B3GALT1: variants seen among roughly 807,000 people sequenced by gnomAD.
The protein encoded by B3GALT1 is beta-1,3-galactosyltransferase 1, also known as UDP-Gal:betaGlcNAc beta 1,3-galactosyltransferase, polypeptide 1.
Under a neutral mutation model 23.2 loss-of-function variants are expected in B3GALT1, and 10 were observed. That is an observed-to-expected ratio of 0.43 (90% CI 0.27 to 0.73). The LOEUF (loss-of-function observed/expected upper bound fraction) is 0.73, where lower values mean the gene tolerates loss of function less well. B3GALT1 is among the 30% of genes least tolerant of loss of function. B3GALT1 has a pLI of 0.21. For missense variants in B3GALT1, 299 were observed against 405.4 expected, an observed-to-expected ratio of 0.74 and a Z score of 2.25; for synonymous variants, 156 against 141.5, an observed-to-expected ratio of 1.10 and a Z score of -0.73.
At chr2:167,831,471 A>G (rs1199076769) in intron 4 of B3GALT1, among the ~76,000 whole-genome samples, 3 of 152,232 alleles carry the variant, frequency 2.0e-5, no homozygotes, top group Non-Finnish European at 4.4e-5. Flanking sequence ...GTTCTTTCAG[A>G]ATGGGCAGGT....
intron 2 of B3GALT1, among the ~76,000 whole-genome samples, chr2:167,537,723 A>C (rs1683453373): frequency 6.6e-6 from 1 of 151,622 alleles, no homozygotes; most frequent in Non-Finnish European, 1.5e-5. Context: ...CCTTTTCCTT[A>C]CTTCTGCTCC....
intron 3 of B3GALT1, among the ~76,000 whole-genome samples, chr2:167,774,756 A>G (rs1411366482): frequency 2.0e-5 from 3 of 151,830 alleles, no homozygotes; most frequent in Non-Finnish European, 2.9e-5. Context: ...TCAGCCTCCC[A>G]AAGTGCTGGG....
intron 1 of B3GALT1, among the ~76,000 whole-genome samples, chr2:167,420,885 TAGAA>T (rs1023873866): frequency 1.9e-4 from 29 of 152,194 alleles, no homozygotes; most frequent in African/African-American, 6.5e-4. Flanking sequence ...TGGTGGCAGA[TAGAA>T]AGGGACATTA....
At chr2:167,519,325 AT>A (rs1700152914) in intron 2 of B3GALT1, among the ~76,000 whole-genome samples, 1 of 152,246 alleles carries the variant, frequency 6.6e-6, no homozygotes, top group South Asian at 2.1e-4. Context: ...AAGACTCATT[AT>A]TTAATTGCTA....
At chr2:167,823,938 TTAGC>T (rs1689161598) in intron 4 of B3GALT1, among the ~76,000 whole-genome samples, 1 of 152,260 alleles carries the variant, frequency 6.6e-6, no homozygotes, top group South Asian at 2.1e-4. Flanking sequence ...GTGATAATTC[TTAGC>T]TATTATTATT....
chr2:167,775,363 G>T (rs1458134351), intron 3 of B3GALT1, among the ~76,000 whole-genome samples: 1 of 152,128 alleles, frequency 6.6e-6, no homozygotes, highest in Non-Finnish European at 1.5e-5. Context: ...GAGGTCAGGA[G>T]TTCGAGACCA....
chr2:167,305,604 A>C (rs747446203), intron 1 of B3GALT1, among the ~76,000 whole-genome samples: 2 of 152,086 alleles, frequency 1.3e-5, no homozygotes, highest in Non-Finnish European at 2.9e-5. Flanking sequence ...CTTCAGTTGC[A>C]CGGTTAATAA....
chr2:167,862,550 A>C (rs1247285318), intron 4 of B3GALT1, among the ~76,000 whole-genome samples: 1 of 152,202 alleles, frequency 6.6e-6, no homozygotes, highest in Non-Finnish European at 1.5e-5. Context: ...AGACACACCC[A>C]GAAGTAATGT....
At chr2:167,837,057 C>T (rs1237267599) in intron 4 of B3GALT1, among the ~76,000 whole-genome samples, 1 of 152,212 alleles carries the variant, frequency 6.6e-6, no homozygotes, top group Non-Finnish European at 1.5e-5. Context: ...CAACCGGTAA[C>T]AGCTGCTGCA....
chr2:167,817,676 A>T (rs781484325), intron 3 of B3GALT1, among the ~76,000 whole-genome samples: 83 of 152,264 alleles, frequency 5.5e-4, no homozygotes, highest in Non-Finnish European at 9.9e-4. Context: ...TCCCAAACAA[A>T]TGCCTTTGAT....
At chr2:167,778,195 TAAG>T (rs944322062) in intron 3 of B3GALT1, among the ~76,000 whole-genome samples, 11 of 152,172 alleles carry the variant, frequency 7.2e-5, no homozygotes, top group Admixed American at 5.9e-4. Flanking sequence ...AATAAGATAG[TAAG>T]AAGGTTTTCT....
chr2:167,307,649 A>G (rs1054264176), intron 1 of B3GALT1, among the ~76,000 whole-genome samples: 4 of 151,992 alleles, frequency 2.6e-5, no homozygotes, highest in African/African-American at 9.7e-5. Flanking sequence ...ATCAGAAAAT[A>G]TTAATAGATG....
At chr2:167,303,768 G>A (rs564099283) in intron 1 of B3GALT1, among the ~76,000 whole-genome samples, 1 of 151,970 alleles carries the variant, frequency 6.6e-6, no homozygotes, top group Admixed American at 6.6e-5. Flanking sequence ...TCAGGATATT[G>A]AGCACTATCT....
chr2:167,453,540 A>G (rs1251025647), intron 1 of B3GALT1, among the ~76,000 whole-genome samples: 1 of 152,158 alleles, frequency 6.6e-6, no homozygotes, highest in East Asian at 1.9e-4. Context: ...GTTGTTTAGA[A>G]GATATTTTGG....
At chr2:167,612,700 T>A (rs1450059835) in intron 2 of B3GALT1, among the ~76,000 whole-genome samples, 2 of 151,946 alleles carry the variant, frequency 1.3e-5, no homozygotes, top group Admixed American at 1.3e-4. Context: ...AATGGAATTT[T>A]AAAAAATTGT....
rs537211070 is a variant in B3GALT1 at position 167,702,227 on chromosome 2, C to G, written c.-352+55261C>G. On this transcript the variant is annotated intron_variant, in intron 3 of 4. Coordinates refer to ENST00000392690, the MANE Select transcript of B3GALT1 (RefSeq NM_020981.4). Reference sequence around the variant, plus strand: ...AAAATCTTCCTTGGTCACTCAGCAGCAACTCTGTGGAAAAGCAACCAGGGA... The same window carrying G: ...AAAATCTTCCTTGGTCACTCAGCAGGAACTCTGTGGAAAAGCAACCAGGGA... Among the ~76,000 whole-genome samples the G allele has an allele frequency of 2.6e-5, 4 of 152,272 alleles. No individual in the cohort carries two copies. The East Asian group carries it at 7.7e-4, about 29-fold the overall frequency.
intron 1 of B3GALT1, among the ~76,000 whole-genome samples, chr2:167,356,946 A>T (rs1381077716): frequency 6.6e-6 from 1 of 152,042 alleles, no homozygotes; most frequent in African/African-American, 2.4e-5. Flanking sequence ...AATTGTAAAA[A>T]TGTATTTTTT....
chr2:167,361,999 G>T (rs921476116), intron 1 of B3GALT1, among the ~76,000 whole-genome samples: 1 of 152,052 alleles, frequency 6.6e-6, no homozygotes, highest in East Asian at 1.9e-4. Context: ...GATTGAACCC[G>T]GGAGGCGGAG....
chr2:167,411,656 G>A (rs1698394223), intron 1 of B3GALT1, among the ~76,000 whole-genome samples: 3 of 152,134 alleles, frequency 2.0e-5, no homozygotes, highest in Admixed American at 2.0e-4. Context: ...CTGTATGGAT[G>A]TTCCTCAAAA....
Sources: allele counts gnomAD v4.1 joint callset (sites outside exome capture counted in the v4.1 genomes callset), GRCh38; gene constraint gnomAD v4.1.1; transcripts MANE v1.5; gene names NCBI Gene and HGNC (gene_info 2026-07-23, HGNC 2026-07-21).